Variants in IL6R observed in about 807,000 individuals in gnomAD.
The protein encoded by IL6R is interleukin 6 receptor, also known as interleukin-6 receptor subunit alpha.
IL6R carries 38 observed loss-of-function variants against 48.3 expected under a neutral mutation model. The observed-to-expected ratio is 0.79, with a 90% CI of 0.61 to 1.03. The LOEUF (loss-of-function observed/expected upper bound fraction) is 1.03, where lower values mean the gene tolerates loss of function less well. IL6R is among the 50% of genes least tolerant of loss of function. The probability of loss-of-function intolerance (pLI) is 0.00; values close to 1 mark genes in which losing one functional copy is unlikely to be tolerated. For synonymous variants in IL6R, 264 were observed against 256.2 expected, an observed-to-expected ratio of 1.03 and a Z score of -0.29; for missense variants, 534 against 618.3, an observed-to-expected ratio of 0.86 and a Z score of 1.45.
intron 9 of IL6R, among the ~76,000 whole-genome samples, chr1:154,462,240 C>T (rs972795374): frequency 4.6e-5 from 7 of 152,156 alleles, no homozygotes; most frequent in Admixed American, 3.3e-4. Context: ...AGTCTTTTTC[C>T]TCTGCCTAGT....
At chr1:154,438,787 G>A (rs1689774889) in intron 6 of IL6R, among the ~76,000 whole-genome samples, 1 of 152,160 alleles carries the variant, frequency 6.6e-6, no homozygotes, top group Non-Finnish European at 1.5e-5. Flanking sequence ...GGCTTAGGGT[G>A]TAATCCTAGT....
At position 154,465,423 on chromosome 1, in the gene IL6R, AAC is replaced by A; in HGVS notation, c.*47_*48del. On this transcript the variant is annotated 3_prime_UTR_variant, in exon 10 of 10. Coordinates refer to ENST00000368485, the MANE Select transcript of IL6R (RefSeq NM_000565.4). ...GCAGCCTGGACCCTGTGGATGATAA[AAC>A]ACAAACGGGCTCAGCAAAAGATGCT... 1 of 1,607,238 alleles carries A rather than the reference AAC, an allele frequency of 6.2e-7. No homozygotes were observed. Among genetic ancestry groups the A allele is most frequent in the South Asian group, 1.1e-5 (1 of 90,926 alleles).
intron 3 of IL6R, among the ~76,000 whole-genome samples, chr1:154,433,980 C>T (rs1689457806): frequency 6.7e-6 from 1 of 150,092 alleles, no homozygotes. Flanking sequence ...GCCTGCGTTG[C>T]CCTCCCAAAG....
At chr1:154,434,762 C>T (rs902470565) in intron 4 of IL6R, 62 bp downstream of exon 4, 38 of 1,502,164 alleles carry the variant, frequency 2.5e-5, no homozygotes, top group African/African-American at 8.3e-5. Context: ...TACTCCTTAT[C>T]GACTTCTCAG....
At chr1:154,411,321 G>C (rs1688007973) in intron 1 of IL6R, among the ~76,000 whole-genome samples, 1 of 152,174 alleles carries the variant, frequency 6.6e-6, no homozygotes. Context: ...GCCTCCCAAA[G>C]TGCTATAGGA....
At chr1:154,458,091 C>T (rs532105540) in intron 9 of IL6R, among the ~76,000 whole-genome samples, 6 of 151,910 alleles carry the variant, frequency 3.9e-5, no homozygotes, top group East Asian at 1.9e-4. Flanking sequence ...CTCAGCCTCC[C>T]GAGTAGGTGG....
chr1:154,432,828 C>T (rs1689378412), intron 3 of IL6R, among the ~76,000 whole-genome samples: 1 of 152,176 alleles, frequency 6.6e-6, no homozygotes, highest in South Asian at 2.1e-4. Context: ...CCTCAGGGGC[C>T]CCAGCCCCCA....
intron 1 of IL6R, among the ~76,000 whole-genome samples, chr1:154,417,583 ATCCTT>A (rs1331928534): frequency 6.6e-6 from 1 of 151,898 alleles, no homozygotes; most frequent in Non-Finnish European, 1.5e-5. Flanking sequence ...CTCCTTAGAT[ATCCTT>A]TCTTTTTTTG....
intron 8 of IL6R, among the ~76,000 whole-genome samples, chr1:154,451,876 C>T (rs1342642892): frequency 1.3e-5 from 2 of 152,128 alleles, no homozygotes; most frequent in African/African-American, 2.4e-5. Flanking sequence ...GAACACCTGA[C>T]GCCTCCCCAC....
At chr1:154,451,517 C>CA (rs890342511) in intron 8 of IL6R, among the ~76,000 whole-genome samples, 3 of 151,712 alleles carry the variant, frequency 2.0e-5, no homozygotes, top group African/African-American at 7.3e-5. Context: ...GATTCCATGT[C>CA]AAAAAAACAA....
chr1:154,451,349 C>A (rs1036642242), intron 8 of IL6R, among the ~76,000 whole-genome samples: 1 of 152,076 alleles, frequency 6.6e-6, no homozygotes, highest in Non-Finnish European at 1.5e-5. Flanking sequence ...GAAACCCCAT[C>A]TCTACTAAAA....
chr1:154,415,221 A>T, intron 1 of IL6R: 1 of 637,210 alleles, frequency 1.6e-6, no homozygotes, highest in Non-Finnish European at 2.8e-6. Flanking sequence ...CTCCACCCCC[A>T]TTCCAATATT....
At chr1:154,445,664 G>T (rs1482703609) in intron 6 of IL6R, among the ~76,000 whole-genome samples, 1 of 151,700 alleles carries the variant, frequency 6.6e-6, no homozygotes, top group African/African-American at 2.4e-5. Context: ...GCAGGAGAAT[G>T]GCTTGAACCC....
chr1:154,447,441 AAAAAAAAAAAAAAATAT>A lies in IL6R; in HGVS notation c.950-682_950-666del, dbSNP rs1211092043. 9.1e-3 allele frequency among the ~76,000 whole-genome samples: 550 copies of A among 60,764 alleles called. 53 individuals are homozygous for A. Among genetic ancestry groups the A allele is most frequent in the African/African-American group, 0.036 (505 of 13,836 alleles). The allele number at this position is 60,764 out of a possible 152,430, so 39.9% of individuals were successfully genotyped here. A position where few individuals can be genotyped will look rare whatever the true frequency, so the allele number is the denominator to read the frequency against. Reference sequence around the variant, plus strand: ...GCAAAAGAGTGAAACTCCATCTCAAAAAAAAAAAAAAAAATATATATATATATATATATATACACACA... The same window carrying A: ...GCAAAAGAGTGAAACTCCATCTCAAAATATATATATATATATATACACACA... On this transcript the variant is annotated intron_variant, in intron 6 of 9. Transcript: ENST00000368485.
At chr1:154,424,162 T>A (rs1688845360) in intron 1 of IL6R, among the ~76,000 whole-genome samples, 1 of 152,206 alleles carries the variant, frequency 6.6e-6, no homozygotes, top group Non-Finnish European at 1.5e-5. Context: ...CCCCTTCACC[T>A]GCAAACCGTG....
At chr1:154,450,104 C>CTGTG (rs71586016) in intron 8 of IL6R, 124 bp downstream of exon 8, 13,835 of 478,588 alleles carry the variant, frequency 0.029, 113 homozygotes, top group African/African-American at 0.043. Flanking sequence ...CAGAAATGTT[C>CTGTG]TGTGTGTGTG....
At chr1:154,438,627 A>G (rs1689765847) in intron 6 of IL6R, among the ~76,000 whole-genome samples, 1 of 152,174 alleles carries the variant, frequency 6.6e-6, no homozygotes, top group African/African-American at 2.4e-5. Context: ...CCCTGGCCCC[A>G]GGGAGAGAAG....
chr1:154,423,207 C>T (rs955033271), intron 1 of IL6R, among the ~76,000 whole-genome samples: 1 of 142,496 alleles, frequency 7.0e-6, no homozygotes, highest in Admixed American at 7.9e-5. Context: ...CCTCTCCCTC[C>T]TTCCTAGAAA....
chr1:154,462,798 TTTAA>T (rs891070263), intron 9 of IL6R, among the ~76,000 whole-genome samples: 20 of 152,260 alleles, frequency 1.3e-4, no homozygotes, highest in East Asian at 5.8e-4. Flanking sequence ...TTTGCTTTTA[TTTAA>T]TTAATTAATT....
Sources: gnomAD v4.1 joint callset for allele counts (sites outside exome capture counted in the v4.1 genomes callset) on GRCh38, gnomAD v4.1.1 for gene constraint, MANE v1.5 for transcripts, NCBI Gene and HGNC (gene_info 2026-07-23, HGNC 2026-07-21) for gene names.